IGDCC4: variants seen among roughly 807,000 people sequenced by gnomAD.
The protein encoded by IGDCC4 is likely ortholog of mouse neighbor of Punc E11.
Under a neutral mutation model 116.6 loss-of-function variants are expected in IGDCC4, and 72 were observed. That is an observed-to-expected ratio of 0.62 (90% CI 0.51 to 0.75). IGDCC4 has a LOEUF of 0.75. Among genes scored for constraint, IGDCC4 ranks in the 30% least tolerant of loss-of-function variants. The probability of loss-of-function intolerance (pLI) is 0.00; values close to 1 mark genes in which losing one functional copy is unlikely to be tolerated. For synonymous variants in IGDCC4, 709 were observed against 719.9 expected, an observed-to-expected ratio of 0.98 and a Z score of 0.24; for missense variants, 1,501 against 1,662.4, an observed-to-expected ratio of 0.90 and a Z score of 1.69.
At chr15:65,399,990 AAC>A (rs1387213127) in intron 5 of IGDCC4, among the ~76,000 whole-genome samples, 3 of 152,172 alleles carry the variant, frequency 2.0e-5, no homozygotes, top group African/African-American at 7.2e-5. Flanking sequence ...CCAAAAAGAG[AAC>A]AGACTTGAAA....
chr15:65,401,953 C>T (rs191318604), intron 4 of IGDCC4, among the ~76,000 whole-genome samples: 32 of 142,762 alleles, frequency 2.2e-4, no homozygotes, highest in East Asian at 1.2e-3. Context: ...CAGAGAGGGA[C>T]GAACCCCCAG....
At position 65,422,902 on chromosome 15, in the gene IGDCC4, C is replaced by G. The variant is rs909137566; in HGVS notation, c.-40G>C. The G allele has an allele frequency of 1.0e-6, 1 of 1,004,378 alleles. No homozygotes were observed. The highest frequency in any genetic ancestry group is 1.2e-6 in the Non-Finnish European group (1 of 842,296). The allele number at this position is 1,004,378 out of a possible 1,614,324, so 62.2% of individuals were successfully genotyped here. A position where few individuals can be genotyped will look rare whatever the true frequency, so the allele number is the denominator to read the frequency against. On this transcript the variant is annotated 5_prime_UTR_variant, in exon 1 of 20. Transcript: ENST00000352385. ...GCCGCCGCCGCCGCCGCCGCCTCCCCGTGCTTCGGCCGCCGCCGCGGGGGG... is the reference window on the plus strand; with the variant it reads ...GCCGCCGCCGCCGCCGCCGCCTCCCGGTGCTTCGGCCGCCGCCGCGGGGGG...
chr15:65,392,766 A>G (rs578106256), intron 10 of IGDCC4, among the ~76,000 whole-genome samples: 2 of 152,272 alleles, frequency 1.3e-5, no homozygotes, highest in South Asian at 4.1e-4. Context: ...GGAAGGAGGG[A>G]TGCCACCATT....
chr15:65,402,917 T>C (rs1040976478), intron 3 of IGDCC4, among the ~76,000 whole-genome samples: 1 of 152,092 alleles, frequency 6.6e-6, no homozygotes. Flanking sequence ...ATTAGATTGG[T>C]GAAAATCAGA....
At chr15:65,416,968 T>C (rs913006562) in intron 1 of IGDCC4, among the ~76,000 whole-genome samples, 2 of 151,904 alleles carry the variant, frequency 1.3e-5, no homozygotes, top group Non-Finnish European at 2.9e-5. Context: ...TGAGTTCCAT[T>C]TTTCAGTGAA....
chr15:65,396,316 G>C, intron 6 of IGDCC4, 153 bp from the exon 7 acceptor site: 1 of 829,474 alleles, frequency 1.2e-6, no homozygotes, highest in South Asian at 1.5e-5. Flanking sequence ...AAACTACTCC[G>C]GCTCAGCGCA....
At chr15:65,421,447 C>A (rs558789975) in intron 1 of IGDCC4, among the ~76,000 whole-genome samples, 65 of 152,324 alleles carry the variant, frequency 4.3e-4, no homozygotes, top group African/African-American at 1.4e-3. Flanking sequence ...CGAGACCCAG[C>A]CTCGCGGCGG....
At chr15:65,422,271 G>C (rs1480809584) in intron 1 of IGDCC4, among the ~76,000 whole-genome samples, 2 of 151,996 alleles carry the variant, frequency 1.3e-5, no homozygotes, top group African/African-American at 4.8e-5. Flanking sequence ...CTATGGGCAA[G>C]GACACTTCCC....
intron 14 of IGDCC4, 144 bp from the exon 15 acceptor site, chr15:65,389,122 A>C (rs1053493597): frequency 8.7e-7 from 1 of 1,144,940 alleles, no homozygotes; most frequent in South Asian, 1.6e-5. Flanking sequence ...TCTAGAAAAC[A>C]GTATGTGTGG....
chr15:65,416,635 C>T (rs925686035), intron 1 of IGDCC4, among the ~76,000 whole-genome samples: 9 of 152,100 alleles, frequency 5.9e-5, no homozygotes, highest in African/African-American at 2.2e-4. Context: ...ATTTTTAGCC[C>T]TCCCTCTCAG....
chr15:65,415,438 G>A (rs924676670), intron 1 of IGDCC4, among the ~76,000 whole-genome samples: 10 of 152,306 alleles, frequency 6.6e-5, no homozygotes, highest in Admixed American at 3.3e-4. Flanking sequence ...AATATTCATG[G>A]ATCAGCAGAT....
At position 65,410,296 on chromosome 15, in the gene IGDCC4, G is replaced by A. The variant is rs763294946; in HGVS notation, c.445C>T (p.Pro149Ser). The change falls in exon 3 of 20, where the codon CCG becomes TCG. Residue 149 changes from proline (P) to serine (S), a missense_variant. Physicochemically the swap from Pro to Ser is moderately conservative, Grantham distance 74. Coordinates refer to ENST00000352385, the MANE Select transcript of IGDCC4 (RefSeq NM_020962.3). ...TTCTCCTCCACCGTCTGAGACTCCG[G>A]GTGCAGAGAGAAGTCTGCGAGTGCT... Reference protein sequence around the residue: ...LATLADFSLHPESQTVEENGT... With the variant: ...LATLADFSLHSESQTVEENGT... 2 of 1,614,038 alleles carry A rather than the reference G, an allele frequency of 1.2e-6. No individual in the cohort carries two copies. Among genetic ancestry groups the A allele is most frequent in the Non-Finnish European group, 1.7e-6 (2 of 1,180,028 alleles).
chr15:65,393,017 A>T lies in IGDCC4; in HGVS notation c.1885+344T>A, dbSNP rs1169284019. Among the ~76,000 whole-genome samples the T allele has an allele frequency of 6.6e-6, 1 of 152,172 alleles. No individual in the cohort carries two copies. The highest frequency in any genetic ancestry group is 6.5e-5 in the Admixed American group (1 of 15,288). ...TAATCACTCTTCTATTGGGCCTCTC[A>T]ACAAAAACAATCATCATCACCATCA... On this transcript the variant is annotated intron_variant, in intron 10 of 19. Transcript: ENST00000352385. The surrounding 1 kb of genome is among the most constrained non-coding windows in gnomAD (Gnocchi z 4.6).
At chr15:65,409,777 C>T (rs1294735266) in intron 3 of IGDCC4, among the ~76,000 whole-genome samples, 2 of 152,302 alleles carry the variant, frequency 1.3e-5, no homozygotes, top group Non-Finnish European at 2.9e-5. Context: ...CCGGAGGAAC[C>T]CTGAAAAGAG....
chr15:65,388,925 C>T lies in IGDCC4; in HGVS notation c.2590G>A (p.Val864Ile). The change falls in exon 15 of 20, where the codon GTT becomes ATT. Residue 864 changes from valine (V) to isoleucine (I), a missense_variant. By Grantham distance (29) the Val-to-Ile change is conservative. Around this residue, in one of 3 missense-constraint regions of IGDCC4, gnomAD observed 235 missense variants for 328.0 expected, o/e 0.72. Transcript: ENST00000352385. ...LRLSPLTPSTVRLHWCPPTEP... is the reference protein window; with the variant it reads ...LRLSPLTPSTIRLHWCPPTEP... ...GTGGGGGGGCACCAGTGCAGCCGAA[C>T]CGTGGACGGTGTCAGGGGGCTCAGT... 1 of 1,613,296 alleles carries T rather than the reference C, an allele frequency of 6.2e-7. No individual in the cohort carries two copies. The highest frequency in any genetic ancestry group is 1.1e-5 in the South Asian group (1 of 91,008).
At chr15:65,410,388 A>G in intron 2 of IGDCC4, 69 bp from the exon 3 acceptor site, 1 of 1,574,488 alleles carries the variant, frequency 6.4e-7, no homozygotes, top group Non-Finnish European at 8.7e-7. Context: ...AAGCACAAAC[A>G]GTGAAACACA....
chr15:65,392,113 C>G (rs774265410), intron 11 of IGDCC4, 21 bp downstream of exon 11: 1 of 1,530,406 alleles, frequency 6.5e-7, no homozygotes, highest in East Asian at 2.3e-5. Context: ...CCTCCCTCCC[C>G]CTCCCCCCAG....
intron 1 of IGDCC4, among the ~76,000 whole-genome samples, chr15:65,420,285 A>G (rs181954635): frequency 7.9e-5 from 12 of 152,222 alleles, no homozygotes; most frequent in Non-Finnish European, 1.5e-4. Context: ...CTACAAATTC[A>G]ATCTATCCTC....
chr15:65,410,051 G>A (rs191946219), intron 3 of IGDCC4, 127 bp downstream of exon 3: 45 of 1,116,552 alleles, frequency 4.0e-5, no homozygotes, highest in Middle Eastern at 3.0e-4. Flanking sequence ...GGAGTCAGGC[G>A]GTGGTTAACA....
Sources: allele counts gnomAD v4.1 joint callset (sites outside exome capture counted in the v4.1 genomes callset), GRCh38; gene constraint gnomAD v4.1.1; regional missense constraint gnomAD v4.1.1; non-coding constraint Gnocchi (gnomAD v3.1); transcripts MANE v1.5; gene names NCBI Gene and HGNC (gene_info 2026-07-23, HGNC 2026-07-21).